Variants in ECT2L observed in about 807,000 individuals in gnomAD.
ECT2L encodes epithelial cell-transforming sequence 2 oncogene-like.
ECT2L carries 126 observed loss-of-function variants against 122.8 expected under a neutral mutation model. That is an observed-to-expected ratio of 1.03 (90% CI 0.89 to 1.19). ECT2L has a LOEUF of 1.19. ECT2L is among the 50% of genes most tolerant of loss of function. The probability of loss-of-function intolerance (pLI) is 0.00; values close to 1 mark genes in which losing one functional copy is unlikely to be tolerated. For synonymous variants in ECT2L, 385 were observed against 381.8 expected (o/e 1.01, Z -0.10); for missense variants, 1,012 against 1,064.1 (o/e 0.95, Z 0.68).
At chr6:138,816,786 A>G (rs995146578) in intron 4 of ECT2L, among the ~76,000 whole-genome samples, 3 of 152,206 alleles carry the variant, frequency 2.0e-5, no homozygotes, top group African/African-American at 7.2e-5. Context: ...CGCCCGGCCT[A>G]AACATCTTTA....
chr6:138,857,298 C>T (rs949090277), intron 10 of ECT2L, among the ~76,000 whole-genome samples: 3 of 152,200 alleles, frequency 2.0e-5, no homozygotes, highest in African/African-American at 7.2e-5. Context: ...CTTGAGCGCG[C>T]ATCCATATCA....
At chr6:138,846,701 C>T in intron 8 of ECT2L, 24 bp downstream of exon 8, 1 of 1,460,512 alleles carries the variant, frequency 6.8e-7, no homozygotes, top group South Asian at 1.6e-5. Flanking sequence ...TGAGGCCAGT[C>T]CTGTCCTGAT....
rs951762101 is a variant in ECT2L, at chr6:138,835,197, G to A, written c.180-3155G>A. 2.6e-5 allele frequency among the ~76,000 whole-genome samples: 4 copies of A among 152,232 alleles called. No homozygotes were observed. In the South Asian group the frequency reaches 8.3e-4, roughly 32 times the overall value. On this transcript the variant is annotated intron_variant, in intron 4 of 21. Transcript: ENST00000541398. ...TTTTTAACTTACAGAAAAGTTGCAA[G>A]AATAGTACAAATAATGTCTTTATCC...
intron 10 of ECT2L, among the ~76,000 whole-genome samples, chr6:138,861,523 G>A (rs1370326274): frequency 6.6e-6 from 1 of 152,110 alleles, no homozygotes; most frequent in African/African-American, 2.4e-5. Context: ...CCGCATAAAT[G>A]TCTTCTTTTG....
chr6:138,823,160 T>A lies in ECT2L; in HGVS notation c.179+8557T>A, dbSNP rs1236909577. ...TGGCTTGCATCAGCATAGACAGATATGTGGCAGTAACTAATGTCCCCAGCC... is the reference window on the plus strand; with the variant it reads ...TGGCTTGCATCAGCATAGACAGATAAGTGGCAGTAACTAATGTCCCCAGCC... On this transcript the variant is annotated intron_variant, in intron 4 of 21. Transcript: ENST00000541398. 23 of 1,436,080 alleles carry A rather than the reference T, an allele frequency of 1.6e-5. 4 individuals carry two copies. The African/African-American group carries it at 2.9e-4, about 18-fold the overall frequency. 89.0% of individuals were successfully genotyped at this position (1,436,080 alleles called of 1,614,324 possible). A position where few individuals can be genotyped will look rare whatever the true frequency, so the allele number is the denominator to read the frequency against.
intron 14 of ECT2L, chr6:138,879,162 G>A (rs181130199): frequency 1.3e-4 from 32 of 254,534 alleles, no homozygotes; most frequent in East Asian, 8.1e-4. Flanking sequence ...AATCTGATCC[G>A]CCTCATTGAC....
At chr6:138,878,336 C>CAT (rs768505377) in intron 14 of ECT2L, among the ~76,000 whole-genome samples, 155 of 121,098 alleles carry the variant, frequency 1.3e-3, no homozygotes, top group East Asian at 2.1e-3. Flanking sequence ...CACACACATA[C>CAT]ATATATACAT....
intron 1 of ECT2L, among the ~76,000 whole-genome samples, chr6:138,811,809 G>A (rs1775909258): frequency 6.6e-6 from 1 of 152,124 alleles, no homozygotes; most frequent in Admixed American, 6.6e-5. Context: ...CTCCGAAGTA[G>A]CTGGGATTAG....
intron 9 of ECT2L, among the ~76,000 whole-genome samples, chr6:138,851,765 G>T (rs1373808593): frequency 1.3e-5 from 2 of 151,922 alleles, no homozygotes; most frequent in Non-Finnish European, 2.9e-5. Context: ...CCATTGCATA[G>T]ATTTCATTTT....
chr6:138,854,586 AT>A (rs1462317509), intron 10 of ECT2L, among the ~76,000 whole-genome samples: 1 of 152,204 alleles, frequency 6.6e-6, no homozygotes, highest in Admixed American at 6.5e-5. Context: ...GCTTTGTGGC[AT>A]TAGGCAAACT....
At chr6:138,833,202 T>C (rs1431215535) in intron 4 of ECT2L, among the ~76,000 whole-genome samples, 1 of 152,144 alleles carries the variant, frequency 6.6e-6, no homozygotes, top group African/African-American at 2.4e-5. Flanking sequence ...GAGATATGGG[T>C]GGGGACATAA....
At chr6:138,863,107 T>C (rs933962381) in intron 11 of ECT2L, among the ~76,000 whole-genome samples, 1 of 152,220 alleles carries the variant, frequency 6.6e-6, no homozygotes, top group African/African-American at 2.4e-5. Context: ...GCAAAGAGGC[T>C]GGCTTAGTTT....
intron 1 of ECT2L, among the ~76,000 whole-genome samples, chr6:138,803,840 T>C (rs1463433091): frequency 1.3e-5 from 2 of 152,206 alleles, no homozygotes; most frequent in African/African-American, 2.4e-5. Context: ...ATTGAAAAAA[T>C]GTGCTTCTTC....
At position 138,843,348 on chromosome 6, in the gene ECT2L, T is replaced by C. The variant is rs1015875811; in HGVS notation, c.595+117T>C. ...TTCGGAATACTCTGAGTGGCAGTCT[T>C]AAGTATTTTCCAGATGAGCTTTTTT... On this transcript the variant is annotated intron_variant, in intron 6 of 21. Coordinates refer to ENST00000541398, the MANE Select transcript of ECT2L (RefSeq NM_001077706.3). The C allele has an allele frequency of 6.6e-6, 7 of 1,068,594 alleles. No homozygotes were observed. The South Asian group carries it at 1.2e-4, about 18-fold the overall frequency. The allele number at this position is 1,068,594 out of a possible 1,614,324, so 66.2% of individuals were successfully genotyped here.
At chr6:138,800,925 G>T (rs914543948) in intron 1 of ECT2L, among the ~76,000 whole-genome samples, 1 of 151,860 alleles carries the variant, frequency 6.6e-6, no homozygotes, top group Admixed American at 6.5e-5. Context: ...CTTCCAAGAC[G>T]ATGCCTTGTT....
chr6:138,852,314 A>T (rs1169869924), intron 9 of ECT2L, among the ~76,000 whole-genome samples: 2 of 151,920 alleles, frequency 1.3e-5, no homozygotes, highest in Non-Finnish European at 2.9e-5. Flanking sequence ...CCCTCAAAAC[A>T]AACCTCAACG....
At chr6:138,862,563 A>T in intron 10 of ECT2L, 64 bp from the exon 11 acceptor site, 1 of 1,472,094 alleles carries the variant, frequency 6.8e-7, no homozygotes, top group Non-Finnish European at 9.5e-7. Flanking sequence ...CAAATATCCA[A>T]GTTATATGAT....
At chr6:138,870,719 C>T (rs1240276941) in intron 13 of ECT2L, among the ~76,000 whole-genome samples, 6 of 151,818 alleles carry the variant, frequency 4.0e-5, no homozygotes, top group East Asian at 1.9e-4. Flanking sequence ...GGGTTTAAAG[C>T]GAGTTCTGGC....
chr6:138,882,886 A>T lies in ECT2L; in HGVS notation c.2028+15A>T, dbSNP rs773211711. The T allele has an allele frequency of 6.3e-7, 1 of 1,594,432 alleles. No individual in the cohort carries two copies. The highest frequency in any genetic ancestry group is 1.7e-5 in the Admixed American group (1 of 59,682). On this transcript the variant is annotated intron_variant, in intron 16 of 21. Transcript: ENST00000541398. ...CTATTGAGAAGGTAAATGAGTTTCA[A>T]TTCCATCATTCTATAAGACCTGAGC...
Sources: gnomAD v4.1 joint callset for allele counts (sites outside exome capture counted in the v4.1 genomes callset) on GRCh38, gnomAD v4.1.1 for gene constraint, MANE v1.5 for transcripts, NCBI Gene and HGNC (gene_info 2026-07-23, HGNC 2026-07-21) for gene names.